Variants in MOXD1 observed in about 807,000 individuals in gnomAD.
MOXD1 encodes the protein monooxygenase DBH like 1.
MOXD1 carries 62 observed loss-of-function variants against 66.6 expected under a neutral mutation model. The ratio of observed to expected loss-of-function variants is 0.93; its 90% CI spans 0.76 to 1.15. The LOEUF is 1.15. Ranked by LOEUF, MOXD1 falls within the 50% of genes most tolerant of loss-of-function variation. The pLI is 0.00. For missense variants in MOXD1, 847 were observed against 754.6 expected, an observed-to-expected ratio of 1.12 and a Z score of -1.44; for synonymous variants, 303 against 281.9, an observed-to-expected ratio of 1.07 and a Z score of -0.75.
intron 4 of MOXD1, among the ~76,000 whole-genome samples, chr6:132,370,097 TG>T (rs1776234840): frequency 6.6e-6 from 1 of 152,142 alleles, no homozygotes; most frequent in African/African-American, 2.4e-5. Context: ...AAGTACTTTT[TG>T]TTTGCAGAAG....
intron 6 of MOXD1, among the ~76,000 whole-genome samples, chr6:132,327,387 T>C (rs2114581310): frequency 6.6e-6 from 1 of 152,244 alleles, no homozygotes; most frequent in African/African-American, 2.4e-5. Context: ...TAGTTGGAGC[T>C]CAGTATTTGC....
chr6:132,339,171 CTT>C (rs1366149968), intron 4 of MOXD1, among the ~76,000 whole-genome samples: 1 of 152,112 alleles, frequency 6.6e-6, no homozygotes, highest in Non-Finnish European at 1.5e-5. Context: ...ATGTATAAGA[CTT>C]AGCTATATTT....
At chr6:132,353,762 A>G (rs1682137812) in intron 4 of MOXD1, among the ~76,000 whole-genome samples, 1 of 152,046 alleles carries the variant, frequency 6.6e-6, no homozygotes, top group African/African-American at 2.4e-5. Context: ...TATGTTTCCA[A>G]ACTTTTAGAT....
chr6:132,315,899 A>C, intron 9 of MOXD1, 122 bp from the exon 10 acceptor site: 1 of 1,006,876 alleles, frequency 9.9e-7, no homozygotes, highest in Non-Finnish European at 1.4e-6. Context: ...CTTAAAGCTG[A>C]AAAGTTAAAA....
At chr6:132,337,280 A>C (rs753854973) in intron 4 of MOXD1, among the ~76,000 whole-genome samples, 10 of 152,270 alleles carry the variant, frequency 6.6e-5, no homozygotes, top group African/African-American at 9.6e-5. Context: ...AGTATAAATC[A>C]TCAATTCATT....
rs375516697 is a variant in MOXD1, at chr6:132,340,125, C to T, written c.664-11531G>A. Among the ~76,000 whole-genome samples the T allele has an allele frequency of 3.0e-4, 45 of 152,194 alleles. 2 individuals are homozygous for T. The South Asian group carries it at 8.3e-3, about 28-fold the overall frequency. Reference sequence around the variant, plus strand: ...GTCTCAAACTCCTGACCTTGTGATCCGCCTGCCTCAGCCTCTCAAAGTGTT... The same window carrying T: ...GTCTCAAACTCCTGACCTTGTGATCTGCCTGCCTCAGCCTCTCAAAGTGTT... On this transcript the variant is annotated intron_variant, in intron 4 of 11. Transcript: ENST00000367963.
chr6:132,317,860 C>T (rs983682169), intron 9 of MOXD1, among the ~76,000 whole-genome samples: 6 of 152,012 alleles, frequency 3.9e-5, no homozygotes, highest in African/African-American at 2.4e-5. Flanking sequence ...TGTTGTTTTT[C>T]ATTACACTTT....
At chr6:132,359,312 G>T (rs995561578) in intron 4 of MOXD1, among the ~76,000 whole-genome samples, 1 of 151,806 alleles carries the variant, frequency 6.6e-6, no homozygotes, top group African/African-American at 2.4e-5. Context: ...CATTACCCAG[G>T]GTGGTCTCGA....
chr6:132,370,880 A>C (rs1242329123), intron 4 of MOXD1, among the ~76,000 whole-genome samples: 1 of 152,170 alleles, frequency 6.6e-6, no homozygotes, highest in East Asian at 1.9e-4. Flanking sequence ...TATGCTTCAT[A>C]TAGGAAAGTT....
Position 132,397,648 on chromosome 6 carries a change from A to C in MOXD1, c.264+3515T>G, listed in dbSNP as rs112939448. Among the ~76,000 whole-genome samples the C allele has an allele frequency of 7.1e-3, 696 of 97,798 alleles. 5 individuals are homozygous for C. The highest frequency in any genetic ancestry group is 0.019 in the African/African-American group (501 of 26,044). The allele number at this position is 97,798 out of a possible 152,430, so 64.2% of individuals were successfully genotyped here. A position where few individuals can be genotyped will look rare whatever the true frequency, so the allele number is the denominator to read the frequency against. On this transcript the variant is annotated intron_variant, in intron 1 of 11. Transcript: ENST00000367963. ...AGAGAGAGAGAGACAGAAAGAAAGA[A>C]AGAAAGAAAGAAAGAAAGAAAGAAA...
At chr6:132,384,873 T>C (rs1776593843) in intron 1 of MOXD1, among the ~76,000 whole-genome samples, 1 of 152,120 alleles carries the variant, frequency 6.6e-6, no homozygotes, top group South Asian at 2.1e-4. Context: ...TGGCATAATG[T>C]GTATCTGTAT....
chr6:132,336,882 CAGGGA>C (rs1332001301), intron 4 of MOXD1, among the ~76,000 whole-genome samples: 1 of 152,168 alleles, frequency 6.6e-6, no homozygotes, highest in African/African-American at 2.4e-5. Flanking sequence ...TTGGTAAGTT[CAGGGA>C]AGGGTGCCCA....
chr6:132,304,356 G>T (rs933423991), intron 10 of MOXD1, among the ~76,000 whole-genome samples: 1 of 152,092 alleles, frequency 6.6e-6, no homozygotes, highest in South Asian at 2.1e-4. Flanking sequence ...ATTTTCTGTA[G>T]TTTATAAATT....
At chr6:132,307,687 CAGTCAAATT>C (rs1296512978) in intron 10 of MOXD1, among the ~76,000 whole-genome samples, 1 of 152,176 alleles carries the variant, frequency 6.6e-6, no homozygotes, top group Non-Finnish European at 1.5e-5. Flanking sequence ...GACCACAGTG[CAGTCAAATT>C]AGAACTCAGG....
At chr6:132,319,221 T>C (rs952102763) in intron 9 of MOXD1, among the ~76,000 whole-genome samples, 1 of 152,020 alleles carries the variant, frequency 6.6e-6, no homozygotes, top group Non-Finnish European at 1.5e-5. Context: ...AAAAAATACA[T>C]GAAAATATTT....
intron 4 of MOXD1, among the ~76,000 whole-genome samples, chr6:132,363,156 G>A (rs1185501652): frequency 6.6e-6 from 1 of 150,798 alleles, no homozygotes; most frequent in Non-Finnish European, 1.5e-5. Flanking sequence ...GCAGAATATA[G>A]TATTTTGCAC....
intron 10 of MOXD1, 100 bp from the exon 11 acceptor site, chr6:132,298,055 T>C: frequency 9.9e-7 from 1 of 1,011,684 alleles, no homozygotes. Context: ...TTATTCATTT[T>C]CATACACATA....
At chr6:132,380,567 C>A (rs964705376) in intron 1 of MOXD1, among the ~76,000 whole-genome samples, 12 of 152,208 alleles carry the variant, frequency 7.9e-5, no homozygotes, top group African/African-American at 2.7e-4. Flanking sequence ...CATTCCCTCT[C>A]TGAATTCCTA....
chr6:132,390,909 A>G (rs531628550), intron 1 of MOXD1: 3 of 151,670 alleles, frequency 2.0e-5, no homozygotes, highest in East Asian at 3.9e-4. Flanking sequence ...CCATGATTTC[A>G]TTTTATCAAT....
Sources: allele counts gnomAD v4.1 joint callset (sites outside exome capture counted in the v4.1 genomes callset), GRCh38; gene constraint gnomAD v4.1.1; transcripts MANE v1.5; gene names NCBI Gene and HGNC (gene_info 2026-07-23, HGNC 2026-07-21).